The following CSMD1 variants were observed in gnomAD, a reference collection of about 807,000 sequenced individuals.
CSMD1 encodes the protein CUB and Sushi multiple domains 1, also known as CUB and sushi domain-containing protein 1.
Under a neutral mutation model 417.5 loss-of-function variants are expected in CSMD1, and 213 were observed. The observed-to-expected ratio is 0.51, with a 90% confidence interval of 0.46 to 0.57. The LOEUF is 0.57. Ranked by LOEUF, CSMD1 falls within the 20% of genes least tolerant of loss-of-function variation. The pLI is 0.00. For synonymous variants in CSMD1, 2,862 were observed against 1,736.8 expected (o/e 1.65, Z -16.11); for missense variants, 6,923 against 4,529.7 (o/e 1.53, Z -15.17).
chr8:3,998,116 G>A lies in CSMD1; in HGVS notation c.611-6C>T. On this transcript the variant is annotated splice_region_variant and splice_polypyrimidine_tract_variant and intron_variant, in intron 4 of 69. Transcript: ENST00000635120. ...TCCTCCGCAGGCTCCCTCAGCTGCA[G>A]GGGCAAAAGCAGAAAGAAAGCATCA... 1 of 1,555,600 alleles carries A rather than the reference G, an allele frequency of 6.4e-7. No homozygotes were observed. Among genetic ancestry groups the A allele is most frequent in the Non-Finnish European group, 8.7e-7 (1 of 1,148,316 alleles).
intron 7 of CSMD1, among the ~76,000 whole-genome samples, chr8:3,705,467 C>T (rs889573567): frequency 2.6e-5 from 4 of 152,210 alleles, no homozygotes; most frequent in South Asian, 2.1e-4. Context: ...GGGACAGCCT[C>T]ACACTCTACA....
chr8:3,167,995 G>T (rs1179615065), intron 37 of CSMD1, among the ~76,000 whole-genome samples: 1 of 151,830 alleles, frequency 6.6e-6, no homozygotes, highest in South Asian at 2.1e-4. Flanking sequence ...ATGACCTTGG[G>T]CAATTTTCCT....
intron 1 of CSMD1, among the ~76,000 whole-genome samples, chr8:4,800,760 C>T (rs1238022676): frequency 1.3e-5 from 2 of 152,118 alleles, no homozygotes; most frequent in African/African-American, 2.4e-5. Flanking sequence ...GTGGGATGGG[C>T]TTTTGGGTGA....
At chr8:3,798,009 T>G (rs1319541426) in intron 5 of CSMD1, among the ~76,000 whole-genome samples, 1 of 152,050 alleles carries the variant, frequency 6.6e-6, no homozygotes, top group Non-Finnish European at 1.5e-5. Context: ...AGATTATTGA[T>G]GTTGATAAAC....
chr8:4,668,188 A>T (rs1805058927), intron 1 of CSMD1, among the ~76,000 whole-genome samples: 1 of 152,072 alleles, frequency 6.6e-6, no homozygotes, highest in Admixed American at 6.6e-5. Context: ...GAGTATAATA[A>T]CTTCTGTTAT....
chr8:3,511,503 C>A lies in CSMD1; in HGVS notation c.1345-17777G>T, dbSNP rs542049483. ...GGCACGTTGGCTCACGGCTGTAATCCCTGCACTTTGGGAGGCCGAGGCAGG... is the reference window on the plus strand; with the variant it reads ...GGCACGTTGGCTCACGGCTGTAATCACTGCACTTTGGGAGGCCGAGGCAGG... On this transcript the variant is annotated intron_variant, in intron 10 of 69. Transcript: ENST00000635120. Among the ~76,000 whole-genome samples, 3 of 151,728 alleles carry A rather than the reference C, an allele frequency of 2.0e-5. 1 individual carries two copies. The highest frequency in any genetic ancestry group is 6.6e-5 in the Admixed American group (1 of 15,256).
chr8:3,737,290 G>C (rs1320380273), intron 6 of CSMD1, among the ~76,000 whole-genome samples: 2 of 152,232 alleles, frequency 1.3e-5, no homozygotes, highest in Middle Eastern at 3.4e-3. Context: ...AAAGTAAATT[G>C]ATGTGACTTC....
chr8:4,579,196 G>A (rs929556445), intron 2 of CSMD1, among the ~76,000 whole-genome samples: 3 of 151,908 alleles, frequency 2.0e-5, no homozygotes, highest in South Asian at 4.2e-4. Flanking sequence ...AGTCAGGTGT[G>A]GTTGCTCTGA....
At chr8:3,665,693 G>C (rs146307918) in intron 7 of CSMD1, among the ~76,000 whole-genome samples, 1,578 of 152,250 alleles carry the variant, frequency 0.01, 6 homozygotes, top group Middle Eastern at 0.024. Context: ...CTCAGGAAAT[G>C]TGAAACCATC....
At chr8:3,572,691 C>G (rs929148875) in intron 10 of CSMD1, among the ~76,000 whole-genome samples, 2 of 152,238 alleles carry the variant, frequency 1.3e-5, no homozygotes, top group African/African-American at 4.8e-5. Context: ...TTGAAAATGT[C>G]GCAATGGGAT....
At chr8:3,520,688 T>C (rs1315180457) in intron 10 of CSMD1, among the ~76,000 whole-genome samples, 1 of 152,056 alleles carries the variant, frequency 6.6e-6, no homozygotes, top group African/African-American at 2.4e-5. Flanking sequence ...TTTAAGTCTG[T>C]TTTTCTACCT....
chr8:3,524,404 G>A (rs1396692859), intron 10 of CSMD1, among the ~76,000 whole-genome samples: 1 of 146,302 alleles, frequency 6.8e-6, no homozygotes, highest in African/African-American at 2.6e-5. Context: ...TGCACACCCA[G>A]ACATATGCAC....
chr8:4,340,937 G>C (rs1286486018), intron 3 of CSMD1, among the ~76,000 whole-genome samples: 1 of 152,058 alleles, frequency 6.6e-6, no homozygotes, highest in Non-Finnish European at 1.5e-5. Context: ...CTAGGCCTGA[G>C]AGAATGTAGT....
At chr8:4,198,848 G>C (rs1049058435) in intron 3 of CSMD1, among the ~76,000 whole-genome samples, 12 of 152,064 alleles carry the variant, frequency 7.9e-5, no homozygotes, top group Admixed American at 2.6e-4. Context: ...AGGAGAGACA[G>C]CGCAACAATA....
At chr8:3,156,862 G>C (rs186678238) in intron 39 of CSMD1, among the ~76,000 whole-genome samples, 40 of 151,950 alleles carry the variant, frequency 2.6e-4, no homozygotes, top group Admixed American at 1.0e-3. Flanking sequence ...TAAAGATGGG[G>C]CATTGGAGCT....
chr8:4,037,842 T>A (rs1797698067), intron 3 of CSMD1, among the ~76,000 whole-genome samples: 1 of 152,134 alleles, frequency 6.6e-6, no homozygotes, highest in South Asian at 2.1e-4. Flanking sequence ...ATTAATATAT[T>A]ATAAAGTAGA....
At chr8:3,447,567 C>T (rs1045825516) in intron 12 of CSMD1, among the ~76,000 whole-genome samples, 3 of 152,106 alleles carry the variant, frequency 2.0e-5, no homozygotes, top group African/African-American at 4.8e-5. Flanking sequence ...TCACAGAGGG[C>T]GACAGGAAGG....
At chr8:3,411,805 C>CGTGTAT (rs1260482698) in intron 12 of CSMD1, among the ~76,000 whole-genome samples, 131 of 107,842 alleles carry the variant, frequency 1.2e-3, no homozygotes, top group East Asian at 9.4e-3. Context: ...CGTATATATA[C>CGTGTAT]ACGTATATAT....
intron 12 of CSMD1, among the ~76,000 whole-genome samples, chr8:3,443,930 C>T (rs77594284): frequency 0.026 from 3,974 of 152,152 alleles, 92 homozygotes; most frequent in East Asian, 0.094. Flanking sequence ...ATTCTAATTC[C>T]ACCTTTATCA....
Sources: allele counts gnomAD v4.1 joint callset (sites outside exome capture counted in the v4.1 genomes callset), GRCh38; gene constraint gnomAD v4.1.1; transcripts MANE v1.5; gene names NCBI Gene and HGNC (gene_info 2026-07-23, HGNC 2026-07-21).